MORC3: variants seen among roughly 807,000 people sequenced by gnomAD.
MORC3 encodes the protein MORC family CW-type zinc finger protein 3.
MORC3 carries 31 observed loss-of-function variants against 109.1 expected under a neutral mutation model. The ratio of observed to expected loss-of-function variants is 0.28; its 90% CI spans 0.21 to 0.38. The LOEUF is 0.38. Among genes scored for constraint, MORC3 ranks in the 10% least tolerant of loss-of-function variants. MORC3 has a pLI of 1.00. For missense variants in MORC3, 867 were observed against 1,135.8 expected (o/e 0.76, Z 3.40); for synonymous variants, 395 against 380.7 (o/e 1.04, Z -0.44).
chr21:36,343,306 A>C (rs144311580), intron 6 of MORC3, among the ~76,000 whole-genome samples: 7,871 of 151,862 alleles, frequency 0.052, 265 homozygotes, highest in Middle Eastern at 0.11. Flanking sequence ...TGTTGGCCAG[A>C]CTGGTCTCGA....
chr21:36,324,383 T>C (rs1042435227), intron 1 of MORC3, among the ~76,000 whole-genome samples: 1 of 150,998 alleles, frequency 6.6e-6, no homozygotes, highest in Non-Finnish European at 1.5e-5. Flanking sequence ...GTTCACGCCA[T>C]TCTCCTGCCT....
At chr21:36,362,363 T>A in intron 13 of MORC3, 135 bp downstream of exon 13, 1 of 939,670 alleles carries the variant, frequency 1.1e-6, no homozygotes, top group East Asian at 2.8e-5. Flanking sequence ...GCCAACATGG[T>A]GAAACCCTGT....
chr21:36,345,167 A>G (rs1037122219), intron 8 of MORC3, 136 bp downstream of exon 8: 8 of 946,144 alleles, frequency 8.5e-6, no homozygotes, highest in Non-Finnish European at 1.2e-5. Context: ...TTTGTAAAAA[A>G]TAACACTGTG....
chr21:36,332,747 T>C (rs1421076609), intron 1 of MORC3, among the ~76,000 whole-genome samples: 1 of 149,568 alleles, frequency 6.7e-6, no homozygotes, highest in Non-Finnish European at 1.5e-5. Context: ...TATGGAGGCA[T>C]CCTCAGGCCA....
chr21:36,332,007 G>A (rs747141541), intron 1 of MORC3, among the ~76,000 whole-genome samples: 1 of 151,956 alleles, frequency 6.6e-6, no homozygotes, highest in African/African-American at 2.4e-5. Context: ...CAGGCATAGT[G>A]GTCCATGCCT....
chr21:36,344,731 AG>A (rs750745274), intron 7 of MORC3, 24 bp downstream of exon 7: 1 of 1,611,368 alleles, frequency 6.2e-7, no homozygotes, highest in Non-Finnish European at 8.5e-7. Context: ...GATTCCTTAT[AG>A]AGATATGTTA....
chr21:36,342,463 TGAGATCTC>T (rs1473861339), intron 6 of MORC3, among the ~76,000 whole-genome samples: 2 of 151,940 alleles, frequency 1.3e-5, no homozygotes, highest in Non-Finnish European at 2.9e-5. Context: ...AGTGCAGCGG[TGAGATCTC>T]AGCTCACTGC....
Position 36,344,562 on chromosome 21 carries a change from G to C in MORC3, c.757-17G>C. ...GCAAACCTGTAGATACTAACTTCTT[G>C]TTATGTTATTTTCCAGGCTTATTGC... On this transcript the variant is annotated splice_polypyrimidine_tract_variant and intron_variant, in intron 6 of 16. Coordinates refer to ENST00000400485, the MANE Select transcript of MORC3 (RefSeq NM_015358.3). 1.2e-6 allele frequency: 2 copies of C among 1,610,180 alleles called. No homozygotes were observed. The highest frequency in any genetic ancestry group is 1.7e-6 in the Non-Finnish European group (2 of 1,178,224).
chr21:36,372,674 A>G (rs2085884171), intron 16 of MORC3, 143 bp downstream of exon 16: 1 of 806,830 alleles, frequency 1.2e-6, no homozygotes, highest in Non-Finnish European at 1.7e-6. Context: ...GTTATGATAG[A>G]TAAAAAAGAA....
At chr21:36,338,044 A>T in intron 4 of MORC3, 98 bp downstream of exon 4, 1 of 1,205,894 alleles carries the variant, frequency 8.3e-7, no homozygotes, top group Non-Finnish European at 1.2e-6. Context: ...TTCCCTTTGA[A>T]TAACACCTAT....
intron 1 of MORC3, among the ~76,000 whole-genome samples, chr21:36,331,620 C>CAAAG (rs34495390): frequency 6.6e-6 from 1 of 150,648 alleles, no homozygotes; most frequent in African/African-American, 2.4e-5. Context: ...AAAAAACAAA[C>CAAAG]AAAAAAACTA....
chr21:36,358,714 C>G (rs904501793), intron 10 of MORC3, among the ~76,000 whole-genome samples: 6 of 151,982 alleles, frequency 3.9e-5, no homozygotes, highest in Admixed American at 2.6e-4. Context: ...GAGGCTTGCT[C>G]TGTCGCCCAG....
intron 8 of MORC3, among the ~76,000 whole-genome samples, chr21:36,345,431 T>G (rs575003268): frequency 1.3e-5 from 2 of 150,998 alleles, no homozygotes; most frequent in South Asian, 2.1e-4. Flanking sequence ...TGTTTTTTGT[T>G]TTTTTTTTGA....
chr21:36,333,560 T>C, intron 1 of MORC3, 86 bp from the exon 2 acceptor site: 1 of 1,086,862 alleles, frequency 9.2e-7, no homozygotes, highest in Non-Finnish European at 1.4e-6. Context: ...GGTCTCAATG[T>C]TGTTTAACAC....
chr21:36,342,794 G>A (rs1378601691), intron 6 of MORC3, among the ~76,000 whole-genome samples: 1 of 151,840 alleles, frequency 6.6e-6, no homozygotes, highest in African/African-American at 2.4e-5. Context: ...AGAGACGGGT[G>A]GATCACCTGA....
At chr21:36,351,529 A>G (rs1197246658) in intron 9 of MORC3, among the ~76,000 whole-genome samples, 1 of 152,098 alleles carries the variant, frequency 6.6e-6, no homozygotes, top group Non-Finnish European at 1.5e-5. Context: ...AACATGAGAT[A>G]TTTGTCTTTC....
intron 1 of MORC3, among the ~76,000 whole-genome samples, chr21:36,327,155 C>CTTTTTTTTTTTTTTTTTTTTTT (rs71326674): frequency 1.2e-5 from 1 of 81,954 alleles, no homozygotes; most frequent in African/African-American, 5.6e-5. Context: ...GGCTTTATTT[C>CTTTTTTTTTTTTTTTTTTTTTT]TTTTTTTTTT....
In MORC3 at chr21:36,356,696, C is replaced by A; in HGVS notation, c.1180C>A (p.Pro394Thr). 1 of 1,595,494 alleles carries A rather than the reference C, an allele frequency of 6.3e-7. No homozygotes were observed. The highest frequency in any genetic ancestry group is 8.5e-7 in the Non-Finnish European group (1 of 1,171,446). Residue 394 changes from proline (P) to threonine (T), a missense_variant, in exon 10 of 17, where the codon CCT becomes ACT. Pro to Thr is a conservative substitution (Grantham distance 38). This residue lies in a region of MORC3 where 120 missense variants were observed against 259.7 expected (regional missense o/e 0.46). Coordinates refer to ENST00000400485, the MANE Select transcript of MORC3 (RefSeq NM_015358.3). ...GAAAGTGAAGAAAAATACAGAATAT[C>A]CTCTAAATTTGCCAGTTGAAGATAT... Reference protein sequence around the residue: ...EMKVKKNTEYPLNLPVEDIQK... With the variant: ...EMKVKKNTEYTLNLPVEDIQK...
intron 1 of MORC3, chr21:36,320,612 G>T (rs1267064683): frequency 4.1e-5 from 12 of 293,848 alleles, no homozygotes; most frequent in Non-Finnish European, 7.5e-5. Flanking sequence ...CTCGGCGGGA[G>T]ATCGGTCTGC....
Sources: gnomAD v4.1 joint callset for allele counts (sites outside exome capture counted in the v4.1 genomes callset) on GRCh38, gnomAD v4.1.1 for gene constraint, gnomAD v4.1.1 regional missense constraint, MANE v1.5 for transcripts, NCBI Gene and HGNC (gene_info 2026-07-23, HGNC 2026-07-21) for gene names.